The following ADCY2 variants were observed in gnomAD, a reference collection of about 807,000 sequenced individuals.
ADCY2 encodes the protein adenylate cyclase 2.
In ADCY2, 31 loss-of-function variants were observed where a neutral mutation model predicts 125.2. The observed-to-expected ratio is 0.25, with a 90% CI of 0.19 to 0.33. The LOEUF (loss-of-function observed/expected upper bound fraction) is 0.33, where lower values mean the gene tolerates loss of function less well. Ranked by LOEUF, ADCY2 falls within the 10% of genes least tolerant of loss-of-function variation. The pLI is 1.00. For missense variants in ADCY2, 904 were observed against 1,418.2 expected, an observed-to-expected ratio of 0.64 and a Z score of 5.82; for synonymous variants, 512 against 548.4, an observed-to-expected ratio of 0.93 and a Z score of 0.93.
At chr5:7,705,523 A>G (rs1741239817) in intron 7 of ADCY2, among the ~76,000 whole-genome samples, 1 of 152,028 alleles carries the variant, frequency 6.6e-6, no homozygotes, top group South Asian at 2.1e-4. Context: ...CATGGGGAGC[A>G]GGAAGAGGAG....
chr5:7,705,335 G>A (rs1272108425), intron 7 of ADCY2, among the ~76,000 whole-genome samples: 2 of 152,228 alleles, frequency 1.3e-5, no homozygotes, highest in Non-Finnish European at 2.9e-5. Context: ...GCTGAGGGCC[G>A]AGATGGAGAC....
At chr5:7,542,465 G>A (rs536689649) in intron 3 of ADCY2, among the ~76,000 whole-genome samples, 17 of 152,260 alleles carry the variant, frequency 1.1e-4, no homozygotes, top group Middle Eastern at 3.4e-3. Flanking sequence ...TTTAAAATGA[G>A]GAGTTTGGAG....
At chr5:7,437,756 G>T (rs1354117679) in intron 2 of ADCY2, among the ~76,000 whole-genome samples, 1 of 152,182 alleles carries the variant, frequency 6.6e-6, no homozygotes, top group Non-Finnish European at 1.5e-5. Context: ...GATCTAGGCT[G>T]CATTTGAGTT....
chr5:7,816,835 C>A, intron 22 of ADCY2, 31 bp from the exon 23 acceptor site: 1 of 1,578,562 alleles, frequency 6.3e-7, no homozygotes, highest in Non-Finnish European at 8.7e-7. Context: ...GATGCTCTAA[C>A]TTCCATCTGC....
Position 7,507,461 on chromosome 5 carries a change from A to AAAAAAAAAAAAAAT in ADCY2, c.409-13277_409-13276insAAAAAAAAAAAAAT, listed in dbSNP as rs374187517. Among the ~76,000 whole-genome samples the AAAAAAAAAAAAAAT allele has an allele frequency of 4.4e-3, 505 of 113,914 alleles. 30 individuals carry two copies. Among genetic ancestry groups the AAAAAAAAAAAAAAT allele is most frequent in the Middle Eastern group, 8.9e-3 (2 of 224 alleles). 74.7% of individuals were successfully genotyped at this position (113,914 alleles called of 152,430 possible). On this transcript the variant is annotated intron_variant, in intron 2 of 24. Coordinates refer to ENST00000338316, the MANE Select transcript of ADCY2 (RefSeq NM_020546.3). ...GTCTCAAAAAAAAAAAAAAAAAAAA[A>AAAAAAAAAAAAAAT]GGTAACAAAGCCACTTTTGTAAAAA...
intron 13 of ADCY2, among the ~76,000 whole-genome samples, chr5:7,725,046 GA>G (rs776879377): frequency 5.3e-5 from 8 of 152,110 alleles, no homozygotes; most frequent in Non-Finnish European, 1.0e-4. Context: ...CAGATAATTA[GA>G]ACTTTTAAGC....
intron 20 of ADCY2, chr5:7,794,860 A>C (rs1383139221): frequency 2.0e-5 from 3 of 152,056 alleles, no homozygotes; most frequent in Non-Finnish European, 2.9e-5. Context: ...CATGCTGTTT[A>C]AGAGTGTAGC....
intron 1 of ADCY2, among the ~76,000 whole-genome samples, chr5:7,403,398 T>C (rs1404043450): frequency 2.0e-5 from 3 of 152,228 alleles, no homozygotes; most frequent in African/African-American, 7.2e-5. Context: ...TTTCCCATCA[T>C]TGACTTGCAG....
At chr5:7,817,039 A>G in intron 23 of ADCY2, 59 bp downstream of exon 23, 1 of 1,290,826 alleles carries the variant, frequency 7.7e-7, no homozygotes, top group Non-Finnish European at 1.1e-6. Flanking sequence ...AATAAGGAGT[A>G]AGTCAGGAGA....
intron 12 of ADCY2, among the ~76,000 whole-genome samples, chr5:7,719,560 G>C (rs1306064037): frequency 6.6e-6 from 1 of 152,164 alleles, no homozygotes; most frequent in African/African-American, 2.4e-5. Context: ...AGTGATTTCT[G>C]TGCAGATTTT....
chr5:7,640,245 T>C (rs1738651581), intron 4 of ADCY2, among the ~76,000 whole-genome samples: 1 of 152,164 alleles, frequency 6.6e-6, no homozygotes, highest in Admixed American at 6.5e-5. Context: ...TAGAGGAATA[T>C]TTACGAGTGG....
chr5:7,688,078 G>T (rs996620065), intron 4 of ADCY2, among the ~76,000 whole-genome samples: 1 of 152,072 alleles, frequency 6.6e-6, no homozygotes, highest in East Asian at 1.9e-4. Flanking sequence ...ATCCAGACCC[G>T]TAATTATTTA....
At chr5:7,437,708 G>A (rs1466067520) in intron 2 of ADCY2, among the ~76,000 whole-genome samples, 5 of 152,166 alleles carry the variant, frequency 3.3e-5, no homozygotes, top group African/African-American at 9.7e-5. Context: ...CAGCTCCTTC[G>A]TTCAACAGGT....
At chr5:7,756,315 G>A (rs1310081215) in intron 15 of ADCY2, among the ~76,000 whole-genome samples, 1 of 152,146 alleles carries the variant, frequency 6.6e-6, no homozygotes, top group East Asian at 1.9e-4. Context: ...ATGGTGAATG[G>A]GGAGCAAATG....
At chr5:7,759,749 T>A (rs983593276) in intron 16 of ADCY2, among the ~76,000 whole-genome samples, 1 of 152,270 alleles carries the variant, frequency 6.6e-6, no homozygotes, top group Admixed American at 6.5e-5. Context: ...AGGGAAAATG[T>A]GCCATGTCTA....
intron 14 of ADCY2, among the ~76,000 whole-genome samples, chr5:7,732,499 C>T (rs1332843554): frequency 6.6e-6 from 1 of 152,200 alleles, no homozygotes; most frequent in Non-Finnish European, 1.5e-5. Flanking sequence ...CACCTCTCAG[C>T]AGTCTGATTT....
At chr5:7,739,091 T>C (rs368160472) in intron 14 of ADCY2, among the ~76,000 whole-genome samples, 11 of 151,836 alleles carry the variant, frequency 7.2e-5, no homozygotes, top group African/African-American at 2.7e-4. Context: ...CTAAACTGAA[T>C]TGAAAAATAC....
chr5:7,487,852 C>G (rs1742998987), intron 2 of ADCY2, among the ~76,000 whole-genome samples: 1 of 151,994 alleles, frequency 6.6e-6, no homozygotes, highest in African/African-American at 2.4e-5. Context: ...TCTTTCAGGA[C>G]CAAAATATAC....
chr5:7,741,816 C>T (rs928030132), intron 14 of ADCY2, among the ~76,000 whole-genome samples: 2 of 151,496 alleles, frequency 1.3e-5, no homozygotes, highest in Non-Finnish European at 2.9e-5. Flanking sequence ...TCATCATTAC[C>T]ATCACCATCA....
Sources: allele counts gnomAD v4.1 joint callset (sites outside exome capture counted in the v4.1 genomes callset), GRCh38; gene constraint gnomAD v4.1.1; transcripts MANE v1.5; gene names NCBI Gene and HGNC (gene_info 2026-07-23, HGNC 2026-07-21).